ZNF726: variants seen among roughly 807,000 people sequenced by gnomAD.
ZNF726 encodes zinc finger protein 92 pseudogene 3.
Under a neutral mutation model 11.6 loss-of-function variants are expected in ZNF726, and 15 were observed. The ratio of observed to expected loss-of-function variants is 1.29; its 90% CI spans 0.86 to 1.99. The LOEUF (loss-of-function observed/expected upper bound fraction) is 1.99. ZNF726 is among the 30% of genes most tolerant of loss of function. ZNF726 has a pLI of 0.00. For missense variants in ZNF726, 890 were observed against 725.6 expected, an observed-to-expected ratio of 1.23 and a Z score of -2.60; for synonymous variants, 295 against 243.6, an observed-to-expected ratio of 1.21 and a Z score of -1.96.
downstream of ZNF726, among the ~76,000 whole-genome samples, chr19:23,937,512 G>A (rs922688143): frequency 6.6e-6 from 1 of 151,934 alleles, no homozygotes; most frequent in African/African-American, 2.4e-5. Context: ...GGACAGGGTG[G>A]CAGGGCAGAG....
In ZNF726 at chr19:23,932,661, T is replaced by G. The variant is rs1968134963; in HGVS notation, c.545T>G (p.Phe182Cys). ...AAATGTAAAAATTGTGTCAAATCAT[T>G]TTGCATGTTTTCACACAAAACCCAG... ...PFKCKNCVKS[F>C]CMFSHKTQHK... The change falls in exon 4 of 4, where the codon TTT (phenylalanine) becomes TGT (cysteine). Residue 182 changes from phenylalanine to cysteine, a missense_variant. Coordinates refer to ENST00000594466, the MANE Select transcript of ZNF726 (RefSeq NM_001244038.2). 1.9e-6 allele frequency: 3 copies of G among 1,580,950 alleles called. No homozygotes were observed. Among genetic ancestry groups the G allele is most frequent in the African/African-American group, 1.4e-5 (1 of 73,342 alleles).
At chr19:23,937,917 A>G (rs1477301127), downstream of ZNF726, among the ~76,000 whole-genome samples, 1 of 152,252 alleles carries the variant, frequency 6.6e-6, no homozygotes, top group Non-Finnish European at 1.5e-5. Context: ...CTGTACTTTT[A>G]TGGAATAATA....
chr19:23,914,978 C>T lies in ZNF726; in HGVS notation c.-17C>T, dbSNP rs776142153. On this transcript the variant is annotated 5_prime_UTR_variant, in exon 1 of 4. Coordinates refer to ENST00000594466, the MANE Select transcript of ZNF726 (RefSeq NM_001244038.2). The stretch of plus-strand genomic sequence containing the variant: ...CAGCCTCTGTGGCCCTGTGACCTGC[C>T]CCCTGGAAGCCTAGAAATGGTGAGA... The T allele has an allele frequency of 1.1e-5, 18 of 1,613,520 alleles. No individual in the cohort carries two copies. The highest frequency in any genetic ancestry group is 1.5e-5 in the Non-Finnish European group (18 of 1,180,002).
downstream of ZNF726, chr19:23,935,325 T>C (rs781143777): frequency 1.9e-6 from 1 of 523,612 alleles, no homozygotes; most frequent in African/African-American, 1.9e-5. Context: ...AGTGTTTTTC[T>C]GGTCCTCAGC....
intron 3 of ZNF726, chr19:23,920,605 G>A (rs143608275): frequency 6.5e-6 from 1 of 153,748 alleles, no homozygotes; most frequent in African/African-American, 2.4e-5. Context: ...TTCTCGTAGA[G>A]ACGGAGTTTC....
At chr19:23,916,973 C>CA (rs1344882532) in intron 1 of ZNF726, among the ~76,000 whole-genome samples, 3 of 152,174 alleles carry the variant, frequency 2.0e-5, no homozygotes, top group Non-Finnish European at 2.9e-5. Flanking sequence ...CTTTTTAAGA[C>CA]AGAGTTTCCC....
Position 23,925,254 on chromosome 19 carries a change from A to G in ZNF726, c.226+5172A>G, listed in dbSNP as rs528497702. Among the ~76,000 whole-genome samples the G allele has an allele frequency of 1.9e-3, 291 of 152,320 alleles. 1 individual carries two copies. The highest frequency in any genetic ancestry group is 6.8e-3 in the African/African-American group (283 of 41,570). ...TGTTATGTATTTTAGATATAGATTCATAAATGGAATCACTTTATTTAATAA... is the reference window on the plus strand; with the variant it reads ...TGTTATGTATTTTAGATATAGATTCGTAAATGGAATCACTTTATTTAATAA... On this transcript the variant is annotated intron_variant, in intron 3 of 3. Transcript: ENST00000594466.
chr19:23,919,180 G>A (rs1967778483), intron 1 of ZNF726, 193 bp from the exon 2 acceptor site: 2 of 779,318 alleles, frequency 2.6e-6, no homozygotes, highest in Non-Finnish European at 1.9e-6. Flanking sequence ...TGGATATTAT[G>A]CCAGTCTCTT....
rs927559650 is a variant in ZNF726, at chr19:23,926,297, G to A, written c.227-6046G>A. On this transcript the variant is annotated intron_variant, in intron 3 of 3. Coordinates refer to ENST00000594466, the MANE Select transcript of ZNF726 (RefSeq NM_001244038.2). ...CGGTCGGGTGCGGTGGCTCATGCCT[G>A]TAATCCCAGCGCTTTGAGAGGCTGA... Among the ~76,000 whole-genome samples, 12 of 152,202 alleles carry A rather than the reference G, an allele frequency of 7.9e-5. No homozygotes were observed. In the East Asian group the frequency reaches 2.1e-3, roughly 27 times the overall value.
chr19:23,937,167 G>T (rs1247109662), downstream of ZNF726, among the ~76,000 whole-genome samples: 4 of 150,378 alleles, frequency 2.7e-5, no homozygotes, highest in African/African-American at 7.3e-5. Context: ...CCCAGACAGG[G>T]TGGCTGGCCG....
At chr19:23,938,466 T>G (rs1425081436), downstream of ZNF726, among the ~76,000 whole-genome samples, 1 of 152,156 alleles carries the variant, frequency 6.6e-6, no homozygotes, top group African/African-American at 2.4e-5. Flanking sequence ...CCTCTGTACT[T>G]TGTATTAAAT....
At chr19:23,937,213 G>A (rs1454259905), downstream of ZNF726, among the ~76,000 whole-genome samples, 3 of 150,850 alleles carry the variant, frequency 2.0e-5, no homozygotes, top group African/African-American at 4.9e-5. Context: ...CCTCCCGGAC[G>A]GGGCGGCTGG....
At chr19:23,916,983 C>G (rs1967716872) in intron 1 of ZNF726, among the ~76,000 whole-genome samples, 3 of 152,158 alleles carry the variant, frequency 2.0e-5, no homozygotes, top group Non-Finnish European at 4.4e-5. Flanking sequence ...CAGAGTTTCC[C>G]TCTGTCACCC....
At chr19:23,936,987 G>A (rs964187555), downstream of ZNF726, among the ~76,000 whole-genome samples, 37 of 152,076 alleles carry the variant, frequency 2.4e-4, no homozygotes, top group Middle Eastern at 3.4e-3. Context: ...CCTCCCAGAC[G>A]GGGTGGTGGC....
downstream of ZNF726, among the ~76,000 whole-genome samples, chr19:23,934,768 AGGCTCC>A (rs1306319416): frequency 2.0e-5 from 3 of 152,150 alleles, no homozygotes; most frequent in Non-Finnish European, 4.4e-5. Flanking sequence ...TGTGGGGAAA[AGGCTCC>A]CTCTCTCACA....
At chr19:23,935,498 C>T (rs1216112073), downstream of ZNF726, 1 of 444,278 alleles carries the variant, frequency 2.3e-6, no homozygotes, top group African/African-American at 2.0e-5. Flanking sequence ...AAAAAGTCCT[C>T]AATTCTTAAC....
At chr19:23,940,746 C>A (rs1968325854) in intron 3 of ZNF726, among the ~76,000 whole-genome samples, 1 of 151,878 alleles carries the variant, frequency 6.6e-6, no homozygotes, top group South Asian at 2.1e-4. Flanking sequence ...TATTTTTATT[C>A]AGCTATTGTA....
chr19:23,919,949 A>G, intron 2 of ZNF726, 38 bp from the exon 3 acceptor site: 1 of 1,435,504 alleles, frequency 7.0e-7, no homozygotes, highest in African/African-American at 1.4e-5. Flanking sequence ...ATTGGAGAAT[A>G]TGAGCAAGAT....
In ZNF726 at chr19:23,915,015, G is replaced by A. The variant is rs1382106625; in HGVS notation, c.3+18G>A. The A allele has an allele frequency of 1.2e-6, 2 of 1,613,660 alleles. No individual in the cohort carries two copies. The highest frequency in any genetic ancestry group is 2.2e-5 in the East Asian group (1 of 44,878). On this transcript the variant is annotated intron_variant, in intron 1 of 3. Coordinates refer to ENST00000594466, the MANE Select transcript of ZNF726 (RefSeq NM_001244038.2). ...TAGAAATGGTGAGAGTGCCGGGTGC[G>A]ACATCCCAAGAGAGGGAACGGGGCT... is the stretch of plus-strand genomic sequence containing the variant.
Sources: allele counts gnomAD v4.1 joint callset (sites outside exome capture counted in the v4.1 genomes callset), GRCh38; gene constraint gnomAD v4.1.1; transcripts MANE v1.5; gene names NCBI Gene and HGNC (gene_info 2026-07-23, HGNC 2026-07-21).